PSD2: variants seen among roughly 807,000 people sequenced by gnomAD.
The protein encoded by PSD2 is PH and SEC7 domain-containing protein 2.
PSD2 carries 38 observed loss-of-function variants against 69.8 expected under a neutral mutation model. The observed-to-expected ratio is 0.54, with a 90% CI of 0.42 to 0.71. The LOEUF (loss-of-function observed/expected upper bound fraction) is 0.71. Among genes scored for constraint, PSD2 ranks in the 30% least tolerant of loss-of-function variants. The pLI is 0.00. For synonymous variants in PSD2, 412 were observed against 423.0 expected (o/e 0.97, Z 0.32); for missense variants, 943 against 1,014.5 (o/e 0.93, Z 0.96).
At chr5:139,795,512 G>C (rs1439917011), upstream of PSD2, among the ~76,000 whole-genome samples, 1 of 152,144 alleles carries the variant, frequency 6.6e-6, no homozygotes, top group African/African-American at 2.4e-5. The surrounding 1 kb of genome is among the most constrained non-coding windows in gnomAD (Gnocchi z 4.5). Flanking sequence ...CCGAGGGTTC[G>C]AGGACGGCAG....
intron 1 of PSD2, among the ~76,000 whole-genome samples, chr5:139,803,493 G>A (rs1581710582): frequency 6.6e-6 from 1 of 152,350 alleles, no homozygotes; most frequent in South Asian, 2.1e-4. Context: ...GGTGCCTTGA[G>A]AAGACAAATG....
the PSD2 span, among the ~76,000 whole-genome samples, chr5:139,769,412 C>T: frequency 2.0e-5 from 3 of 152,270 alleles, no homozygotes; most frequent in African/African-American, 7.2e-5. Context: ...ATGGAGGGCA[C>T]TCAGGGCCTC....
rs1760772710 is a variant in PSD2 at position 139,837,757 on chromosome 5, T to C, written c.1798T>C (p.Trp600Arg). 6.2e-7 allele frequency: 1 copy of C among 1,612,998 alleles called. No individual in the cohort carries two copies. Among genetic ancestry groups the C allele is most frequent in the Non-Finnish European group, 8.5e-7 (1 of 1,179,172 alleles). ...CGTGCTGAAGCTTAAGACAGCCGAC[T>C]GGAGGGTATTCCTCTTCCAGGCACC... is the stretch of plus-strand genomic sequence containing the variant. ...SNVLKLKTAD[W>R]RVFLFQAPSK... Residue 600 changes from tryptophan to arginine, a missense_variant, in exon 12 of 15, where the codon TGG (tryptophan) becomes CGG (arginine). Trp to Arg is a moderately radical substitution (Grantham distance 101). This residue lies in a region of PSD2 where 312 missense variants were observed against 400.7 expected (regional missense o/e 0.78). Coordinates refer to ENST00000274710, the MANE Select transcript of PSD2 (RefSeq NM_032289.4). This position sits in a 1 kb window ranked among gnomAD's most constrained non-coding sequence, Gnocchi z 5.0.
rs568901457 is a variant in PSD2 at position 139,817,658 on chromosome 5, G to C, written c.1097+97G>C. 1.3e-5 allele frequency: 15 copies of C among 1,116,756 alleles called. No individual in the cohort carries two copies. In the Admixed American group the frequency reaches 2.8e-4, roughly 21 times the overall value. 69.2% of individuals were successfully genotyped at this position (1,116,756 alleles called of 1,614,324 possible). ...ACCATAAACTTGCTGTACAACCTTG[G>C]GCAAGTCTTTTGACCCCTGGTGAGG... On this transcript the variant is annotated intron_variant, in intron 5 of 14. Transcript: ENST00000274710.
intron 14 of PSD2, 149 bp downstream of exon 14, chr5:139,840,319 A>G: frequency 1.2e-6 from 1 of 830,830 alleles, no homozygotes; most frequent in South Asian, 1.9e-5. Context: ...CCTGACCTTT[A>G]GTCCCCAGTC....
the PSD2 span, among the ~76,000 whole-genome samples, chr5:139,752,703 T>A: frequency 6.6e-6 from 1 of 151,988 alleles, no homozygotes; most frequent in Non-Finnish European, 1.5e-5. Context: ...CACAAGCACA[T>A]CTGCACAGTA....
chr5:139,828,090 A>G (rs535895664), intron 7 of PSD2, among the ~76,000 whole-genome samples: 46 of 152,218 alleles, frequency 3.0e-4, no homozygotes, highest in African/African-American at 1.1e-3. Flanking sequence ...CCTGGGATGC[A>G]CTGAGTGGGG....
chr5:139,840,277 A>C, intron 14 of PSD2, 107 bp downstream of exon 14: 90 of 1,270,308 alleles, frequency 7.1e-5, no homozygotes, highest in Non-Finnish European at 9.3e-5. Flanking sequence ...AAAGGGGCTC[A>C]TTGATGTGGG....
At chr5:139,788,950 CAA>C in the PSD2 span, among the ~76,000 whole-genome samples, 862 of 152,324 alleles carry the variant, frequency 5.7e-3, 13 homozygotes, top group African/African-American at 0.02. Flanking sequence ...GTCCAGTGAG[CAA>C]AGAGTGTGAG....
chr5:139,752,716 A>G, the PSD2 span, among the ~76,000 whole-genome samples: 3 of 152,190 alleles, frequency 2.0e-5, no homozygotes, highest in African/African-American at 7.2e-5. Flanking sequence ...GCACAGTAAG[A>G]CACAGGCACA....
At position 139,832,341 on chromosome 5, in the gene PSD2, C is replaced by T. The variant is rs143812852; in HGVS notation, c.1270-1361C>T. 1.8e-3 allele frequency among the ~76,000 whole-genome samples: 280 copies of T among 152,262 alleles called. 1 individual carries two copies. The highest frequency in any genetic ancestry group is 6.2e-3 in the African/African-American group (257 of 41,544). On this transcript the variant is annotated intron_variant, in intron 7 of 14. Transcript: ENST00000274710. ...TAAATCTACACAGAAAAATACAAAACACACTTGTATCAAGGCATACATAGG... is the reference window on the plus strand; with the variant it reads ...TAAATCTACACAGAAAAATACAAAATACACTTGTATCAAGGCATACATAGG...
chr5:139,829,270 T>G (rs1760507879), intron 7 of PSD2, among the ~76,000 whole-genome samples: 1 of 152,254 alleles, frequency 6.6e-6, no homozygotes, highest in Non-Finnish European at 1.5e-5. Context: ...GGTTACAATG[T>G]TCTATATGTG....
chr5:139,813,417 C>T lies in PSD2; in HGVS notation c.480C>T (p.Ser160=), dbSNP rs558110795. 1.2e-5 allele frequency: 20 copies of T among 1,613,928 alleles called. No homozygotes were observed. In the South Asian group the frequency reaches 2.1e-4, roughly 17 times the overall value. Residue 160 remains serine (S), a synonymous_variant, in exon 3 of 15, where the codon TCC becomes TCT. Coordinates refer to ENST00000274710, the MANE Select transcript of PSD2 (RefSeq NM_032289.4). ...LRGTQYSSLD[S]LDGLSLTDES... is the part of the protein sequence containing the mutation. ...GCACCCAGTACAGCAGCCTCGACTC[C>T]CTAGACGGGCTGAGCCTCACGGATG...
rs1760938195 is a variant in PSD2, at chr5:139,843,944, T to C, written c.*1470T>C. On this transcript the variant is annotated 3_prime_UTR_variant, in exon 15 of 15. Transcript: ENST00000274710. ...AAAATAAGCCAGGCTTGCAACTAAG[T>C]ATCTAACTTTACAGGCCCACTCACA... The C allele has an allele frequency of 6.6e-6, 1 of 152,220 alleles. No individual in the cohort carries two copies. The highest frequency in any genetic ancestry group is 1.5e-5 in the Non-Finnish European group (1 of 68,040). The allele number at this position is 152,220 out of a possible 1,614,324, so 9.4% of individuals were successfully genotyped here. A position where few individuals can be genotyped will look rare whatever the true frequency, so the allele number is the denominator to read the frequency against.
rs1331263933 is a variant in PSD2 at position 139,813,664 on chromosome 5, A to G, written c.727A>G (p.Met243Val). Residue 243 changes from methionine to valine, a missense_variant, in exon 3 of 15, where the codon ATG becomes GTG. Coordinates refer to ENST00000274710, the MANE Select transcript of PSD2 (RefSeq NM_032289.4). ...CCTGAGCCGCCTGTCTCTCATGGCCATGCCCAATGGATTCCATGAAGATGG... is the reference window on the plus strand; with the variant it reads ...CCTGAGCCGCCTGTCTCTCATGGCCGTGCCCAATGGATTCCATGAAGATGG... The part of the protein sequence containing the change: ...NVLSRLSLMA[M>V]PNGFHEDGPQ... The G allele has an allele frequency of 1.2e-6, 2 of 1,613,946 alleles. No homozygotes were observed. Among genetic ancestry groups the G allele is most frequent in the East Asian group, 2.2e-5 (1 of 44,872 alleles).
chr5:139,744,612 G>C, the PSD2 span, among the ~76,000 whole-genome samples: 3 of 152,080 alleles, frequency 2.0e-5, no homozygotes, highest in Non-Finnish European at 4.4e-5. Flanking sequence ...CGGCGGGGGT[G>C]GGGGGAAGGC....
Position 139,837,809 on chromosome 5 carries a change from C to A in PSD2, c.1823+27C>A. 1 of 1,591,362 alleles carries A rather than the reference C, an allele frequency of 6.3e-7. No homozygotes were observed. The highest frequency in any genetic ancestry group is 8.6e-7 in the Non-Finnish European group (1 of 1,164,320). ...TGAGTAGGAGCTGGAGCCCTTCACT[C>A]CCACCTGGGGCCCAGGGCCACAGTG... On this transcript the variant is annotated intron_variant, in intron 12 of 14. Transcript: ENST00000274710. The surrounding 1 kb of genome is among the most constrained non-coding windows in gnomAD (Gnocchi z 5.0).
In PSD2 at chr5:139,839,079, C is replaced by T. The variant is rs1161897013; in HGVS notation, c.1968+307C>T. 1.3e-5 allele frequency among the ~76,000 whole-genome samples: 2 copies of T among 152,216 alleles called. No individual in the cohort carries two copies. Among genetic ancestry groups the T allele is most frequent in the Admixed American group, 6.5e-5 (1 of 15,282 alleles). On this transcript the variant is annotated intron_variant, in intron 13 of 14. Coordinates refer to ENST00000274710, the MANE Select transcript of PSD2 (RefSeq NM_032289.4). This position sits in a 1 kb window ranked among gnomAD's most constrained non-coding sequence, Gnocchi z 5.1. ...GCACCTGGGCACAAATGCAAGAGAC[C>T]GTGTGTCACAGGGAGCTTGCACAGG... is the stretch of plus-strand genomic sequence containing the variant.
At chr5:139,778,811 C>T in the PSD2 span, among the ~76,000 whole-genome samples, 14 of 151,850 alleles carry the variant, frequency 9.2e-5, no homozygotes, top group Admixed American at 5.2e-4. Context: ...TGCCTATAGT[C>T]GCAGCTACTC....
Sources: gnomAD v4.1 joint callset for allele counts (sites outside exome capture counted in the v4.1 genomes callset) on GRCh38, gnomAD v4.1.1 for gene constraint, gnomAD v4.1.1 regional missense constraint, Gnocchi (gnomAD v3.1) non-coding constraint, MANE v1.5 for transcripts, NCBI Gene and HGNC (gene_info 2026-07-23, HGNC 2026-07-21) for gene names.